The following GALNT17 variants were observed in gnomAD, a reference collection of about 807,000 sequenced individuals.
GALNT17 encodes the protein UDP-GalNAc:polypeptide N-acetylgalactosaminyltransferase-like 3.
Under a neutral mutation model 63.7 loss-of-function variants are expected in GALNT17, and 29 were observed. The ratio of observed to expected loss-of-function variants is 0.46; its 90% CI spans 0.34 to 0.62. GALNT17 has a LOEUF of 0.62. GALNT17 is among the 20% of genes least tolerant of loss of function. The pLI is 0.01. For synonymous variants in GALNT17, 305 were observed against 318.3 expected (o/e 0.96, Z 0.45); for missense variants, 603 against 799.6 (o/e 0.75, Z 2.97).
intron 2 of GALNT17, among the ~76,000 whole-genome samples, chr7:71,341,944 A>G (rs916023284): frequency 6.6e-6 from 1 of 152,164 alleles, no homozygotes; most frequent in Admixed American, 6.5e-5. Context: ...TGGATGCAGG[A>G]GGATGCAGGG....
At chr7:71,613,469 G>A (rs1028295827) in intron 6 of GALNT17, among the ~76,000 whole-genome samples, 3 of 152,268 alleles carry the variant, frequency 2.0e-5, no homozygotes, top group Admixed American at 2.0e-4. Flanking sequence ...AAGCAGCCCT[G>A]GGAAGCAGTG....
intron 3 of GALNT17, among the ~76,000 whole-genome samples, chr7:71,391,687 A>G (rs1037634039): frequency 1.3e-5 from 2 of 152,034 alleles, no homozygotes; most frequent in Non-Finnish European, 2.9e-5. Context: ...GGGTTTTGGC[A>G]TGTTGCTTAG....
At chr7:71,496,267 G>T (rs1271766735) in intron 5 of GALNT17, among the ~76,000 whole-genome samples, 1 of 152,104 alleles carries the variant, frequency 6.6e-6, no homozygotes, top group Non-Finnish European at 1.5e-5. Context: ...GTGGCAGAAG[G>T]GGCCAGCAGC....
At chr7:71,588,639 A>C (rs1789754160) in intron 6 of GALNT17, among the ~76,000 whole-genome samples, 1 of 152,184 alleles carries the variant, frequency 6.6e-6, no homozygotes, top group South Asian at 2.1e-4. Context: ...CTCTGCTTTT[A>C]GGTTGATTCT....
At chr7:71,154,316 A>G (rs1450516222) in intron 1 of GALNT17, among the ~76,000 whole-genome samples, 3 of 152,164 alleles carry the variant, frequency 2.0e-5, no homozygotes, top group African/African-American at 7.2e-5. Context: ...TGAGTGAGCA[A>G]GCCTCACTCC....
chr7:71,209,220 C>T (rs938392078), intron 1 of GALNT17, among the ~76,000 whole-genome samples: 2 of 152,164 alleles, frequency 1.3e-5, no homozygotes, highest in Non-Finnish European at 2.9e-5. Context: ...ACTTGAGGGC[C>T]TTTCAAAAAC....
At chr7:71,681,727 C>T (rs558563037) in intron 9 of GALNT17, among the ~76,000 whole-genome samples, 39 of 152,256 alleles carry the variant, frequency 2.6e-4, no homozygotes, top group African/African-American at 7.7e-4. Context: ...CACTTATTAA[C>T]GGTGACATAG....
At chr7:71,453,421 G>T (rs1316991110) in intron 5 of GALNT17, among the ~76,000 whole-genome samples, 2 of 152,166 alleles carry the variant, frequency 1.3e-5, no homozygotes, top group Middle Eastern at 3.2e-3. Flanking sequence ...AAGGGGAAAG[G>T]CACGTCTAAC....
intron 6 of GALNT17, among the ~76,000 whole-genome samples, chr7:71,584,501 T>A (rs946376068): frequency 6.6e-6 from 1 of 152,216 alleles, no homozygotes; most frequent in African/African-American, 2.4e-5. Context: ...ATTCCATCTA[T>A]AAATACTTTA....
intron 1 of GALNT17, among the ~76,000 whole-genome samples, chr7:71,228,213 G>A (rs1255126861): frequency 6.6e-6 from 1 of 152,132 alleles, no homozygotes; most frequent in Non-Finnish European, 1.5e-5. Flanking sequence ...TCCCAGCCAA[G>A]CAGGAGTACA....
At chr7:71,674,344 C>CTTT (rs34467330) in intron 8 of GALNT17, among the ~76,000 whole-genome samples, 5 of 113,918 alleles carry the variant, frequency 4.4e-5, no homozygotes, top group East Asian at 8.7e-4. Flanking sequence ...ATAGCTCTTC[C>CTTT]TTTTTAAAAA....
intron 2 of GALNT17, among the ~76,000 whole-genome samples, chr7:71,386,042 T>C (rs1004174051): frequency 2.0e-5 from 3 of 152,152 alleles, no homozygotes; most frequent in African/African-American, 7.2e-5. Context: ...TCTTGTTTTG[T>C]GGACCACCAC....
rs139231451 is a variant in GALNT17, at chr7:71,209,540, C to G, written c.238+76500C>G. On this transcript the variant is annotated intron_variant, in intron 1 of 10. Coordinates refer to ENST00000333538, the MANE Select transcript of GALNT17 (RefSeq NM_022479.3). ...TTGAGACAGGGTTTTGCTGTGTCAC[C>G]CAGGCTAGACTGCATTGTGATCATG... Among the ~76,000 whole-genome samples, 1,360 of 151,994 alleles carry G rather than the reference C, an allele frequency of 8.9e-3. 5 individuals are homozygous for G. Among genetic ancestry groups the G allele is most frequent in the Non-Finnish European group, 0.015 (999 of 67,978 alleles).
chr7:71,536,010 A>C (rs897763671), intron 5 of GALNT17, among the ~76,000 whole-genome samples: 1 of 152,226 alleles, frequency 6.6e-6, no homozygotes, highest in African/African-American at 2.4e-5. Context: ...GAGCTTGTTT[A>C]GTAATAAAAA....
intron 2 of GALNT17, among the ~76,000 whole-genome samples, chr7:71,361,197 C>G (rs533879672): frequency 3.3e-5 from 5 of 152,078 alleles, no homozygotes; most frequent in Non-Finnish European, 5.9e-5. Context: ...TTTTTACTAT[C>G]TATACCAGTT....
intron 1 of GALNT17, among the ~76,000 whole-genome samples, chr7:71,216,693 TACACATATATACACAGACACAAATACGC>T (rs1231962436): frequency 6.6e-6 from 1 of 151,428 alleles, no homozygotes; most frequent in Non-Finnish European, 1.5e-5. Flanking sequence ...CACACACATA[TACACATATATACACAGACACAAATACGC>T]ACACATATAT....
At chr7:71,369,861 C>T (rs1792589661) in intron 2 of GALNT17, among the ~76,000 whole-genome samples, 1 of 148,232 alleles carries the variant, frequency 6.7e-6, no homozygotes, top group South Asian at 2.2e-4. Flanking sequence ...GTATTATTGA[C>T]CTGTGTCAGA....
chr7:71,580,853 A>G (rs1197885282), intron 6 of GALNT17, among the ~76,000 whole-genome samples: 2 of 152,154 alleles, frequency 1.3e-5, no homozygotes, highest in Non-Finnish European at 2.9e-5. Flanking sequence ...AGGCATTTGC[A>G]TGTGTGGGGA....
At chr7:71,622,311 A>G (rs1790305700) in intron 6 of GALNT17, among the ~76,000 whole-genome samples, 1 of 152,216 alleles carries the variant, frequency 6.6e-6, no homozygotes, top group African/African-American at 2.4e-5. Context: ...GGCTTTCCTC[A>G]CATAGAAAAT....
Sources: gnomAD v4.1 joint callset for allele counts (sites outside exome capture counted in the v4.1 genomes callset) on GRCh38, gnomAD v4.1.1 for gene constraint, MANE v1.5 for transcripts, NCBI Gene and HGNC (gene_info 2026-07-23, HGNC 2026-07-21) for gene names.